The following ANO4 variants were observed in gnomAD, a reference collection of about 807,000 sequenced individuals.
ANO4 encodes the protein anoctamin 4, also known as anoctamin-4.
In ANO4, 69 loss-of-function variants were observed where a neutral mutation model predicts 141.9. The observed-to-expected ratio is 0.49, with a 90% CI of 0.40 to 0.59. The LOEUF is 0.59. Among genes scored for constraint, ANO4 ranks in the 20% least tolerant of loss-of-function variants. The probability of loss-of-function intolerance (pLI) is 0.00; values close to 1 mark genes in which losing one functional copy is unlikely to be tolerated. For synonymous variants in ANO4, 350 were observed against 394.3 expected, an observed-to-expected ratio of 0.89 and a Z score of 1.33; for missense variants, 894 against 1,162.2, an observed-to-expected ratio of 0.77 and a Z score of 3.36.
chr12:100,746,665 T>C (rs908977440), intron 3 of ANO4, among the ~76,000 whole-genome samples: 3 of 152,194 alleles, frequency 2.0e-5, no homozygotes, highest in Non-Finnish European at 2.9e-5. Flanking sequence ...CCAGGGATAC[T>C]GCTAAACATC....
At chr12:100,847,320 A>G (rs2037617858) in intron 1 of ANO4, among the ~76,000 whole-genome samples, 2 of 152,216 alleles carry the variant, frequency 1.3e-5, no homozygotes, top group African/African-American at 2.4e-5. Flanking sequence ...TGGTATTTCT[A>G]TTTAGTATGT....
At position 101,068,141 on chromosome 12, in the gene ANO4, G is replaced by T. The variant is rs1038775463; in HGVS notation, c.1313-11052G>T. 35 of 748,092 alleles carry T rather than the reference G, an allele frequency of 4.7e-5. No homozygotes were observed. The African/African-American group carries it at 5.8e-4, about 12-fold the overall frequency. 46.3% of individuals were successfully genotyped at this position (748,092 alleles called of 1,614,324 possible). A position where few individuals can be genotyped will look rare whatever the true frequency, so the allele number is the denominator to read the frequency against. ...TAAATGGCCAGAAGAAATAAGGAAG[G>T]TTAAGAAAAAACAGGAGTTGACTTT... On this transcript the variant is annotated intron_variant, in intron 14 of 27. Coordinates refer to ENST00000392977, the MANE Select transcript of ANO4 (RefSeq NM_001286615.2).
intron 3 of ANO4, among the ~76,000 whole-genome samples, chr12:100,746,824 G>A (rs532772977): frequency 6.6e-6 from 1 of 152,214 alleles, no homozygotes; most frequent in East Asian, 1.9e-4. Context: ...CAGGGCTCTC[G>A]TTTCTCTCCT....
chr12:101,040,807 T>C lies in ANO4; in HGVS notation c.1019+731T>C, dbSNP rs571534777. Among the ~76,000 whole-genome samples, 55 of 145,482 alleles carry C rather than the reference T, an allele frequency of 3.8e-4. No homozygotes were observed. In the East Asian group the frequency reaches 0.011, roughly 29 times the overall value. ...TGTGATGTTCCCCTCCCTGTGTCCA[T>C]GTGTTCTCATTGTTCAACTCCCACT... On this transcript the variant is annotated intron_variant, in intron 11 of 27. Transcript: ENST00000392977.
At chr12:100,781,661 T>C (rs2033715333) in intron 3 of ANO4, among the ~76,000 whole-genome samples, 2 of 152,244 alleles carry the variant, frequency 1.3e-5, no homozygotes, top group Admixed American at 6.5e-5. Flanking sequence ...TGCGTATTTC[T>C]ATAGCTCTGG....
At chr12:100,831,252 A>G (rs1459646849) in intron 1 of ANO4, among the ~76,000 whole-genome samples, 1 of 152,120 alleles carries the variant, frequency 6.6e-6, no homozygotes, top group Non-Finnish European at 1.5e-5. Context: ...CGTGTCTTGC[A>G]TGGGCCTCAT....
At chr12:101,114,987 G>C (rs1394161608) in intron 24 of ANO4, among the ~76,000 whole-genome samples, 1 of 152,006 alleles carries the variant, frequency 6.6e-6, no homozygotes, top group Non-Finnish European at 1.5e-5. Flanking sequence ...GATTTGTCTT[G>C]AGCACGATAA....
At chr12:100,816,168 G>A (rs1404129586) in intron 1 of ANO4, among the ~76,000 whole-genome samples, 1 of 151,992 alleles carries the variant, frequency 6.6e-6, no homozygotes, top group African/African-American at 2.4e-5. Context: ...TATTTAAAAT[G>A]ACTGTAGTGA....
At chr12:101,031,413 C>A (rs906613221) in intron 9 of ANO4, among the ~76,000 whole-genome samples, 8 of 152,156 alleles carry the variant, frequency 5.3e-5, no homozygotes, top group Admixed American at 2.6e-4. Context: ...TCTCAATAAA[C>A]TAGGTGTCGA....
chr12:100,735,965 G>A (rs1305437847), intron 2 of ANO4, among the ~76,000 whole-genome samples: 1 of 152,206 alleles, frequency 6.6e-6, no homozygotes, highest in African/African-American at 2.4e-5. Flanking sequence ...CGTTGTGTGT[G>A]TTTGGAGGAC....
chr12:100,758,298 G>A (rs2032703047), intron 3 of ANO4, among the ~76,000 whole-genome samples: 1 of 152,214 alleles, frequency 6.6e-6, no homozygotes, highest in Admixed American at 6.5e-5. Flanking sequence ...GGTGTGTAAT[G>A]CTTGCCATGT....
chr12:100,833,332 CA>C (rs775264098), intron 1 of ANO4, among the ~76,000 whole-genome samples: 7 of 152,034 alleles, frequency 4.6e-5, no homozygotes, highest in East Asian at 3.9e-4. Context: ...GAGTAATATA[CA>C]AATGGAATAT....
intron 9 of ANO4, among the ~76,000 whole-genome samples, chr12:101,021,110 A>G (rs903758124): frequency 6.6e-6 from 1 of 152,224 alleles, no homozygotes; most frequent in Non-Finnish European, 1.5e-5. Context: ...GCTAAGCTGC[A>G]GATCCTGCTG....
At chr12:101,054,633 G>T (rs1347828343) in intron 14 of ANO4, among the ~76,000 whole-genome samples, 2 of 152,154 alleles carry the variant, frequency 1.3e-5, no homozygotes, top group East Asian at 3.9e-4. Context: ...TCGAGTAGCT[G>T]GGATTACAGG....
At chr12:101,083,072 C>T (rs1490743244) in intron 15 of ANO4, among the ~76,000 whole-genome samples, 1 of 152,032 alleles carries the variant, frequency 6.6e-6, no homozygotes, top group Non-Finnish European at 1.5e-5. Flanking sequence ...AAGGTGCTTA[C>T]CTTGTTTTCA....
At chr12:100,832,213 A>C (rs924529333) in intron 1 of ANO4, among the ~76,000 whole-genome samples, 5 of 152,054 alleles carry the variant, frequency 3.3e-5, no homozygotes, top group African/African-American at 1.2e-4. Context: ...TCATGAAAGA[A>C]CGCAGATGAC....
intron 1 of ANO4, among the ~76,000 whole-genome samples, chr12:100,834,933 T>C (rs1180716600): frequency 1.3e-5 from 2 of 152,070 alleles, no homozygotes; most frequent in African/African-American, 4.8e-5. Context: ...AGGACCAGCC[T>C]AGAGGTCATT....
At chr12:100,896,447 C>T (rs894018366) in intron 1 of ANO4, among the ~76,000 whole-genome samples, 4 of 151,580 alleles carry the variant, frequency 2.6e-5, no homozygotes, top group African/African-American at 9.8e-5. Context: ...CTCCCCAGAG[C>T]TTCTGTCTAC....
In ANO4 at chr12:100,942,431, C is replaced by T; in HGVS notation, c.352C>T (p.Arg118Ter). Reference sequence around the variant, plus strand: ...ACTTTACTTTCGAGATGGAAAGTGTCGAATTGACTACATCCTTGTGTACAG... The same window carrying T: ...ACTTTACTTTCGAGATGGAAAGTGTTGAATTGACTACATCCTTGTGTACAG... Reference protein sequence around the residue: ...NGLYFRDGKCRIDYILVYRKS... With the variant: ...NGLYFRDGKC The change falls in exon 5 of 28, where the codon CGA (arginine) becomes TGA (stop). Residue 118 changes from arginine to a stop codon, truncating the protein, a stop_gained. Coordinates refer to ENST00000392977, the MANE Select transcript of ANO4 (RefSeq NM_001286615.2). LOFTEE classifies it high-confidence loss of function. 1.9e-6 allele frequency: 3 copies of T among 1,613,896 alleles called. No homozygotes were observed. Among genetic ancestry groups the T allele is most frequent in the Non-Finnish European group, 2.5e-6 (3 of 1,179,954 alleles).
Sources: allele counts gnomAD v4.1 joint callset (sites outside exome capture counted in the v4.1 genomes callset), GRCh38; gene constraint gnomAD v4.1.1; transcripts MANE v1.5; gene names NCBI Gene and HGNC (gene_info 2026-07-23, HGNC 2026-07-21).